APTX: variants seen among roughly 807,000 people sequenced by gnomAD.
The protein encoded by APTX is forkhead-associated domain histidine triad-like protein.
In APTX, 33 loss-of-function variants were observed where a neutral mutation model predicts 42.3. The ratio of observed to expected loss-of-function variants is 0.78; its 90% confidence interval spans 0.59 to 1.04. The LOEUF (loss-of-function observed/expected upper bound fraction) is 1.04, where lower values mean the gene tolerates loss of function less well. Ranked by LOEUF, APTX falls within the 50% of genes least tolerant of loss-of-function variation. The pLI is 0.00. For missense variants in APTX, 421 were observed against 415.1 expected (o/e 1.01, Z -0.12); for synonymous variants, 130 against 146.7 (o/e 0.89, Z 0.82).
At chr9:33,016,022 T>C (rs566953225) in intron 1 of APTX, 2 of 152,350 alleles carry the variant, frequency 1.3e-5, no homozygotes, top group East Asian at 3.9e-4. Flanking sequence ...ATACACAAAA[T>C]GTTATCAACT....
intron 6 of APTX, among the ~76,000 whole-genome samples, chr9:32,983,005 C>T (rs774188048): frequency 6.6e-6 from 1 of 151,724 alleles, no homozygotes; most frequent in Non-Finnish European, 1.5e-5. Flanking sequence ...AGTACAATGG[C>T]GTGATCATAG....
At chr9:33,022,807 TTTTAC>T (rs1446491860) in intron 1 of APTX, among the ~76,000 whole-genome samples, 5 of 152,202 alleles carry the variant, frequency 3.3e-5, no homozygotes, top group African/African-American at 1.2e-4. Context: ...TTTTATTTTA[TTTTAC>T]GTAAGAATGC....
At chr9:33,018,943 C>T (rs1407924994) in intron 1 of APTX, among the ~76,000 whole-genome samples, 1 of 152,154 alleles carries the variant, frequency 6.6e-6, no homozygotes, top group Non-Finnish European at 1.5e-5. Context: ...GTCTGAGAAA[C>T]TGTCACAGTC....
At chr9:32,996,896 C>T (rs1835082887) in intron 1 of APTX, among the ~76,000 whole-genome samples, 1 of 152,206 alleles carries the variant, frequency 6.6e-6, no homozygotes, top group African/African-American at 2.4e-5. Context: ...GTTTTCAGCA[C>T]CTTTATCAAG....
At chr9:33,002,471 T>G (rs569952526), upstream of APTX, among the ~76,000 whole-genome samples, 1 of 152,290 alleles carries the variant, frequency 6.6e-6, no homozygotes, top group Non-Finnish European at 1.5e-5. Context: ...TTCCTTATTC[T>G]CCACTATCCC....
chr9:33,018,843 C>T (rs1043303466), intron 1 of APTX, among the ~76,000 whole-genome samples: 1 of 152,138 alleles, frequency 6.6e-6, no homozygotes, highest in East Asian at 1.9e-4. Context: ...CACGCCATTG[C>T]GCTCCAGCCC....
upstream of APTX, among the ~76,000 whole-genome samples, chr9:33,002,561 G>A (rs1587618038): frequency 6.6e-6 from 1 of 152,204 alleles, no homozygotes; most frequent in East Asian, 1.9e-4. Flanking sequence ...CCTTTACCCC[G>A]ATGTTTCCTC....
chr9:32,982,006 A>C (rs970669021), intron 6 of APTX, among the ~76,000 whole-genome samples: 13 of 152,050 alleles, frequency 8.5e-5, no homozygotes, highest in South Asian at 2.1e-4. Context: ...AAAAAAAAAA[A>C]ACAGTAATTT....
chr9:32,988,855 G>C (rs1039812124), intron 2 of APTX, among the ~76,000 whole-genome samples: 1 of 152,224 alleles, frequency 6.6e-6, no homozygotes, highest in Non-Finnish European at 1.5e-5. Context: ...AGGTGGCTTT[G>C]GGTAGAAGGA....
chr9:33,015,591 T>G (rs1025832224), intron 1 of APTX, among the ~76,000 whole-genome samples: 1 of 152,158 alleles, frequency 6.6e-6, no homozygotes, highest in African/African-American at 2.4e-5. Context: ...ACTCCTGATC[T>G]CATGATCTGC....
chr9:32,989,147 T>TA (rs886987399), intron 2 of APTX, among the ~76,000 whole-genome samples: 2 of 152,320 alleles, frequency 1.3e-5, no homozygotes, highest in Non-Finnish European at 2.9e-5. Flanking sequence ...TCCCTCCACT[T>TA]AGATTAACTC....
chr9:32,994,558 T>C (rs1220019721), intron 1 of APTX, among the ~76,000 whole-genome samples: 8 of 152,248 alleles, frequency 5.3e-5, no homozygotes, highest in Non-Finnish European at 1.5e-5. Flanking sequence ...TTTTACAAAT[T>C]GACAGTTTGT....
rs1464865878 is a variant in APTX at position 32,986,032 on chromosome 9, TAAAAAAAAAACA to T, written c.484-14_484-3del. On this transcript the variant is annotated splice_polypyrimidine_tract_variant and splice_region_variant and intron_variant, in intron 4 of 7. Coordinates refer to ENST00000379817, the MANE Select transcript of APTX (RefSeq NM_001195248.2). ...TTGACTCCAGTGGCCCAGGGATTCC[TAAAAAAAAAACA>T]AAAAAAAAAACAAAAAAAAAAAAAA... is the stretch of plus-strand genomic sequence containing the variant. 4.1e-6 allele frequency: 3 copies of T among 732,438 alleles called. No individual in the cohort carries two copies. The highest frequency in any genetic ancestry group is 1.9e-6 in the Non-Finnish European group (1 of 529,776). The allele number at this position is 732,438 out of a possible 1,614,324, so 45.4% of individuals were successfully genotyped here.
chr9:33,000,038 G>T (rs1482447276), intron 1 of APTX, among the ~76,000 whole-genome samples: 2 of 152,180 alleles, frequency 1.3e-5, no homozygotes, highest in Admixed American at 6.5e-5. Flanking sequence ...AAACAATATA[G>T]AACAGTGGCG....
In APTX at chr9:32,987,799, G is replaced by A; in HGVS notation, c.228C>T (p.Asp76=). ...TSIDSVVIGK[D]QEVKLQPGQV... is the part of the protein sequence containing the mutation. Reference sequence around the variant, plus strand: ...GGCCAGGCTGCAGCTTCACCTCTTGGTCCTTCCCAATTACGACTGAGTCAA... The same window carrying A: ...GGCCAGGCTGCAGCTTCACCTCTTGATCCTTCCCAATTACGACTGAGTCAA... The change falls in exon 4 of 8, where the codon GAC becomes GAT. Residue 76 remains aspartate (D), a synonymous_variant. Coordinates refer to ENST00000379817, the MANE Select transcript of APTX (RefSeq NM_001195248.2). 6.2e-7 allele frequency: 1 copy of A among 1,613,940 alleles called. No homozygotes were observed. Among genetic ancestry groups the A allele is most frequent in the Non-Finnish European group, 8.5e-7 (1 of 1,180,012 alleles).
chr9:33,003,449 C>G (rs10971288), upstream of APTX, among the ~76,000 whole-genome samples: 10,738 of 152,158 alleles, frequency 0.071, 517 homozygotes, highest in Non-Finnish European at 0.11. Flanking sequence ...GGGAGGCCAA[C>G]GCAGGTGGAT....
At chr9:32,978,053 T>G (rs1465254148) in intron 6 of APTX, among the ~76,000 whole-genome samples, 3 of 152,192 alleles carry the variant, frequency 2.0e-5, no homozygotes, top group Admixed American at 2.0e-4. Context: ...ATAACAAATT[T>G]ATTTAATCCA....
chr9:33,005,441 G>A (rs967619939), upstream of APTX, among the ~76,000 whole-genome samples: 7 of 151,472 alleles, frequency 4.6e-5, no homozygotes, highest in Admixed American at 2.0e-4. Context: ...TTTTGTTTTT[G>A]TTTTTGTTTT....
At chr9:33,002,128 GA>G (rs1356240116), upstream of APTX, among the ~76,000 whole-genome samples, 1 of 151,960 alleles carries the variant, frequency 6.6e-6, no homozygotes, top group Non-Finnish European at 1.5e-5. Flanking sequence ...CAATCCGGGA[GA>G]AAAAAAGCAA....
Sources: gnomAD v4.1 joint callset for allele counts (sites outside exome capture counted in the v4.1 genomes callset) on GRCh38, gnomAD v4.1.1 for gene constraint, MANE v1.5 for transcripts, NCBI Gene and HGNC (gene_info 2026-07-23, HGNC 2026-07-21) for gene names.